The following COL28A1 variants were observed in gnomAD, a reference collection of about 807,000 sequenced individuals.
COL28A1 encodes the protein collagen type XXVIII alpha 1 chain.
In COL28A1, 161 loss-of-function variants were observed where a neutral mutation model predicts 150.2. The ratio of observed to expected loss-of-function variants is 1.07; its 90% CI spans 0.94 to 1.22. COL28A1 has a LOEUF of 1.22. COL28A1 is among the 50% of genes most tolerant of loss of function. The probability of loss-of-function intolerance (pLI) is 0.00; values close to 1 mark genes in which losing one functional copy is unlikely to be tolerated. For synonymous variants in COL28A1, 552 were observed against 469.7 expected (o/e 1.18, Z -2.26); for missense variants, 1,617 against 1,388.3 (o/e 1.16, Z -2.62).
intron 9 of COL28A1, 33 bp downstream of exon 9, chr7:7,511,058 C>A (rs748455672): frequency 6.3e-7 from 1 of 1,592,428 alleles, no homozygotes; most frequent in Non-Finnish European, 8.6e-7. Flanking sequence ...AAAGGGATCA[C>A]AGCTGTAAGC....
At chr7:7,354,669 C>A (rs541255969), downstream of COL28A1, among the ~76,000 whole-genome samples, 1 of 152,276 alleles carries the variant, frequency 6.6e-6, no homozygotes, top group African/African-American at 2.4e-5. Context: ...ATGTGAAACT[C>A]TAAAACTAAG....
upstream of COL28A1, among the ~76,000 whole-genome samples, chr7:7,539,369 T>G (rs887305155): frequency 1.4e-4 from 22 of 152,084 alleles, no homozygotes; most frequent in Non-Finnish European, 4.4e-5. Flanking sequence ...GTCAGACTCT[T>G]TTAAAGAATC....
chr7:7,432,279 G>A (rs1321330808), intron 25 of COL28A1, among the ~76,000 whole-genome samples, 194 bp downstream of exon 25: 1 of 152,094 alleles, frequency 6.6e-6, no homozygotes, highest in Non-Finnish European at 1.5e-5. Context: ...CAGAGAAGGA[G>A]GACCCAAACC....
At chr7:7,509,147 T>G (rs953898671) in intron 9 of COL28A1, among the ~76,000 whole-genome samples, 3 of 152,120 alleles carry the variant, frequency 2.0e-5, no homozygotes, top group Non-Finnish European at 2.9e-5. Context: ...TTTGTTTTTT[T>G]TGAGACAGGG....
intron 25 of COL28A1, chr7:7,431,320 G>A (rs1784958279): frequency 3.2e-6 from 1 of 315,524 alleles, no homozygotes; most frequent in Admixed American, 4.0e-5. Flanking sequence ...AGTTAGGAGG[G>A]AACAAAGCAA....
intron 27 of COL28A1, among the ~76,000 whole-genome samples, chr7:7,397,850 G>C (rs974147928): frequency 2.6e-5 from 4 of 152,170 alleles, no homozygotes; most frequent in Admixed American, 2.6e-4. Flanking sequence ...TAATTCTTGA[G>C]CTCCATTCAA....
At chr7:7,446,413 G>A (rs1786263287) in intron 18 of COL28A1, among the ~76,000 whole-genome samples, 1 of 152,046 alleles carries the variant, frequency 6.6e-6, no homozygotes, top group Non-Finnish European at 1.5e-5. Flanking sequence ...GAACAAGCTA[G>A]ATAAACCAAT....
intron 27 of COL28A1, among the ~76,000 whole-genome samples, chr7:7,413,511 C>T (rs761879687): frequency 2.6e-5 from 4 of 152,174 alleles, no homozygotes; most frequent in Non-Finnish European, 5.9e-5. Flanking sequence ...CTAGTTCTCA[C>T]CAATAAAACC....
chr7:7,543,027 C>CA, the COL28A1 span, among the ~76,000 whole-genome samples: 2 of 152,222 alleles, frequency 1.3e-5, no homozygotes, highest in African/African-American at 4.8e-5. Flanking sequence ...TACACATATA[C>CA]ATACGTAAGT....
At chr7:7,520,332 T>C (rs1164707914) in intron 5 of COL28A1, among the ~76,000 whole-genome samples, 1 of 152,232 alleles carries the variant, frequency 6.6e-6, no homozygotes, top group Non-Finnish European at 1.5e-5. Context: ...AAGAGAATAA[T>C]GTTTCTCTCT....
intron 6 of COL28A1, among the ~76,000 whole-genome samples, 166 bp downstream of exon 6, chr7:7,519,896 T>C (rs889426362): frequency 2.6e-5 from 4 of 152,134 alleles, no homozygotes; most frequent in African/African-American, 7.2e-5. Flanking sequence ...TTCAAGCTAA[T>C]AGAAATAAGA....
the COL28A1 span, among the ~76,000 whole-genome samples, chr7:7,344,792 CTA>C: frequency 6.6e-6 from 1 of 152,084 alleles, no homozygotes; most frequent in Non-Finnish European, 1.5e-5. Context: ...AGCAACAAGG[CTA>C]AGAAACCCTG....
chr7:7,496,319 A>C (rs1780207482), intron 11 of COL28A1, among the ~76,000 whole-genome samples: 1 of 152,206 alleles, frequency 6.6e-6, no homozygotes, highest in African/African-American at 2.4e-5. Flanking sequence ...TCATCCATGC[A>C]CCAGACATTT....
chr7:7,400,975 G>GGGGTGTGTGTGTGTGTGTGTGT (rs1160269291), intron 27 of COL28A1, among the ~76,000 whole-genome samples: 1 of 119,074 alleles, frequency 8.4e-6, no homozygotes, highest in Non-Finnish European at 1.7e-5. Context: ...TGGGTATTTG[G>GGGGTGTGTGTGTGTGTGTGTGT]GTGTGTGTGT....
chr7:7,500,895 G>A (rs1780485376), intron 11 of COL28A1, among the ~76,000 whole-genome samples: 1 of 152,150 alleles, frequency 6.6e-6, no homozygotes, highest in South Asian at 2.1e-4. Flanking sequence ...GCAAGCTTCA[G>A]GGTGAACTAA....
At chr7:7,501,267 C>A (rs1211007766) in intron 11 of COL28A1, among the ~76,000 whole-genome samples, 1 of 152,148 alleles carries the variant, frequency 6.6e-6, no homozygotes, top group Non-Finnish European at 1.5e-5. Context: ...GGAGGCAATT[C>A]ATTTTTTAAG....
chr7:7,354,636 CTATGAG>C (rs758787633), downstream of COL28A1, among the ~76,000 whole-genome samples: 5 of 152,138 alleles, frequency 3.3e-5, no homozygotes, highest in Non-Finnish European at 7.3e-5. Flanking sequence ...CAGCAAGAAT[CTATGAG>C]TATATTATTA....
chr7:7,467,967 G>A (rs1233344944), intron 15 of COL28A1, among the ~76,000 whole-genome samples: 1 of 121,892 alleles, frequency 8.2e-6, no homozygotes, highest in Non-Finnish European at 1.7e-5. Context: ...AGTGTGTAGA[G>A]GGAAATTTAT....
intron 6 of COL28A1, 152 bp from the exon 7 acceptor site, chr7:7,517,989 A>T: frequency 5.9e-6 from 1 of 169,084 alleles, no homozygotes; most frequent in Admixed American, 3.6e-4. Flanking sequence ...AATCTAGGCA[A>T]AAAAAAAAAA....
Sources: allele counts gnomAD v4.1 joint callset (sites outside exome capture counted in the v4.1 genomes callset), GRCh38; gene constraint gnomAD v4.1.1; transcripts MANE v1.5; gene names NCBI Gene and HGNC (gene_info 2026-07-23, HGNC 2026-07-21).